TNFAIP8: variants seen among roughly 807,000 people sequenced by gnomAD.
The protein encoded by TNFAIP8 is TNF alpha induced protein 8.
A neutral mutation model predicts 13.3 loss-of-function variants in TNFAIP8; 7 were observed. The observed-to-expected ratio is 0.52, with a 90% CI of 0.30 to 0.99. The LOEUF is 0.99. Among genes scored for constraint, TNFAIP8 ranks in the 50% least tolerant of loss-of-function variants. The pLI, the probability that TNFAIP8 is intolerant of heterozygous loss-of-function variation, is 0.07. For missense variants in TNFAIP8, 258 were observed against 236.9 expected (o/e 1.09, Z -0.58); for synonymous variants, 94 against 87.6 (o/e 1.07, Z -0.41).
chr5:119,285,675 C>A (rs1748757826), intron 1 of TNFAIP8, among the ~76,000 whole-genome samples: 1 of 152,158 alleles, frequency 6.6e-6, no homozygotes, highest in African/African-American at 2.4e-5. Flanking sequence ...GTGAAAGTAT[C>A]CAAGAAGCTG....
At chr5:119,275,767 A>G (rs1430086642) in intron 1 of TNFAIP8, among the ~76,000 whole-genome samples, 1 of 152,196 alleles carries the variant, frequency 6.6e-6, no homozygotes, top group Non-Finnish European at 1.5e-5. Flanking sequence ...AATTAGAATA[A>G]TAAAGGTTTG....
chr5:119,362,914 T>A (rs17145259), intron 1 of TNFAIP8, among the ~76,000 whole-genome samples: 17,728 of 152,138 alleles, frequency 0.12, 1,677 homozygotes, highest in African/African-American at 0.27. Context: ...AGGGCAAGAT[T>A]GAACCTGAGT....
upstream of TNFAIP8, among the ~76,000 whole-genome samples, chr5:119,353,817 A>G (rs1042553182): frequency 6.6e-6 from 1 of 152,242 alleles, no homozygotes; most frequent in African/African-American, 2.4e-5. Flanking sequence ...GAAGAGAGTG[A>G]AAGTAATTCT....
intron 1 of TNFAIP8, among the ~76,000 whole-genome samples, chr5:119,288,092 A>C (rs967049873): frequency 1.3e-5 from 2 of 152,222 alleles, no homozygotes; most frequent in East Asian, 3.8e-4. Flanking sequence ...TGTATAAAGA[A>C]AAAACAGTAA....
intron 1 of TNFAIP8, among the ~76,000 whole-genome samples, chr5:119,367,031 T>C (rs1474688551): frequency 6.6e-6 from 1 of 152,212 alleles, no homozygotes. Flanking sequence ...GGGTAAATTA[T>C]AATTGCTGCT....
At chr5:119,274,480 G>T (rs1177465754) in intron 1 of TNFAIP8, among the ~76,000 whole-genome samples, 1 of 152,192 alleles carries the variant, frequency 6.6e-6, no homozygotes, top group Non-Finnish European at 1.5e-5. Flanking sequence ...GGCAGAATTA[G>T]GCTGCTAGTG....
At chr5:119,381,962 C>CT (rs1383197064) in intron 1 of TNFAIP8, among the ~76,000 whole-genome samples, 1 of 152,038 alleles carries the variant, frequency 6.6e-6, no homozygotes, top group African/African-American at 2.4e-5. Context: ...AACGGAGTAC[C>CT]TTTGTAGTAT....
chr5:119,291,574 T>TG (rs1240598455), intron 1 of TNFAIP8, among the ~76,000 whole-genome samples: 2 of 152,264 alleles, frequency 1.3e-5, no homozygotes, highest in Non-Finnish European at 2.9e-5. Context: ...GTTAAACTAA[T>TG]GAGGCAGTAC....
chr5:119,322,264 C>T (rs929478855), intron 1 of TNFAIP8, among the ~76,000 whole-genome samples: 1 of 152,182 alleles, frequency 6.6e-6, no homozygotes, highest in Admixed American at 6.5e-5. Context: ...CTGCTCTATC[C>T]CCAGCACCAT....
At chr5:119,364,841 GTTTTTTTTTT>G (rs10714712) in intron 1 of TNFAIP8, among the ~76,000 whole-genome samples, 1 of 88,710 alleles carries the variant, frequency 1.1e-5, no homozygotes, top group South Asian at 3.4e-4. Flanking sequence ...TTTCTTTTCA[GTTTTTTTTTT>G]TTTTTTTTTT....
chr5:119,353,296 C>T (rs1336600166), upstream of TNFAIP8, among the ~76,000 whole-genome samples: 8 of 152,144 alleles, frequency 5.3e-5, no homozygotes, highest in Admixed American at 5.2e-4. Flanking sequence ...TGAATAAAAG[C>T]ACAGCAAAAT....
At chr5:119,297,181 C>G (rs1260043876) in intron 1 of TNFAIP8, among the ~76,000 whole-genome samples, 1 of 152,106 alleles carries the variant, frequency 6.6e-6, no homozygotes, top group East Asian at 1.9e-4. Context: ...TTTTCTAGTT[C>G]TTTTAATTGT....
At chr5:119,320,190 T>C (rs1561999078) in intron 1 of TNFAIP8, among the ~76,000 whole-genome samples, 1 of 152,154 alleles carries the variant, frequency 6.6e-6, no homozygotes, top group Non-Finnish European at 1.5e-5. Flanking sequence ...TTAGGACATA[T>C]TACATCTCCC....
chr5:119,335,430 A>G (rs1402100923), intron 1 of TNFAIP8, among the ~76,000 whole-genome samples: 1 of 152,088 alleles, frequency 6.6e-6, no homozygotes, highest in Non-Finnish European at 1.5e-5. Flanking sequence ...AGCGAGCAGG[A>G]AGCAGTGCTT....
In TNFAIP8 at chr5:119,393,674, G is replaced by T; in HGVS notation, c.*293G>T. On this transcript the variant is annotated 3_prime_UTR_variant, in exon 2 of 2. Coordinates refer to ENST00000504771, the MANE Select transcript of TNFAIP8 (RefSeq NM_014350.4). ...GAAAAATACAGATGTCTCCAGACCT[G>T]AGGACTTTTTAATAGGGCAGTTGTT... The T allele has an allele frequency of 3.3e-6, 1 of 306,348 alleles. No individual in the cohort carries two copies. 19.0% of individuals were successfully genotyped at this position (306,348 alleles called of 1,614,324 possible).
rs558542324 is a variant in TNFAIP8, at chr5:119,301,234, A to G, written c.1+32327A>G. Among the ~76,000 whole-genome samples the G allele has an allele frequency of 6.4e-4, 97 of 152,212 alleles. 2 individuals carry two copies. Among genetic ancestry groups the G allele is most frequent in the Non-Finnish European group, 1.1e-3 (78 of 68,006 alleles). ...TTCAGAGCTCTTCATGTCTTCCTTCATGCTGTTTTTCTATCCTCCCTTCTA... is the reference window on the plus strand; with the variant it reads ...TTCAGAGCTCTTCATGTCTTCCTTCGTGCTGTTTTTCTATCCTCCCTTCTA... On this transcript the variant is annotated intron_variant, in intron 1 of 1. Transcript: ENST00000274456.
At chr5:119,298,694 C>A (rs1324854610) in intron 1 of TNFAIP8, among the ~76,000 whole-genome samples, 1 of 152,116 alleles carries the variant, frequency 6.6e-6, no homozygotes, top group Non-Finnish European at 1.5e-5. Flanking sequence ...TACTATCCTG[C>A]AGAGTGTTTT....
chr5:119,353,566 C>A (rs1190185796), upstream of TNFAIP8, among the ~76,000 whole-genome samples: 4 of 152,214 alleles, frequency 2.6e-5, no homozygotes, highest in Non-Finnish European at 5.9e-5. Context: ...CATTTAAATA[C>A]AAAAGAAGTT....
chr5:119,326,535 G>A (rs1750232206), intron 1 of TNFAIP8, among the ~76,000 whole-genome samples: 1 of 152,220 alleles, frequency 6.6e-6, no homozygotes, highest in African/African-American at 2.4e-5. Flanking sequence ...AGACCCCTGA[G>A]CAGCAGGGAA....
Sources: allele counts gnomAD v4.1 joint callset (sites outside exome capture counted in the v4.1 genomes callset), GRCh38; gene constraint gnomAD v4.1.1; transcripts MANE v1.5; gene names NCBI Gene and HGNC (gene_info 2026-07-23, HGNC 2026-07-21).